The following CDH18 variants were observed in gnomAD, a reference collection of about 807,000 sequenced individuals.
The protein encoded by CDH18 is cadherin-18.
In CDH18, 31 loss-of-function variants were observed where a neutral mutation model predicts 67.9. The ratio of observed to expected loss-of-function variants is 0.46; its 90% CI spans 0.34 to 0.62. CDH18 has a LOEUF of 0.62. CDH18 is among the 20% of genes least tolerant of loss of function. The pLI is 0.01. For synonymous variants in CDH18, 362 were observed against 347.2 expected (o/e 1.04, Z -0.48); for missense variants, 890 against 975.5 (o/e 0.91, Z 1.17).
chr5:20,389,876 A>C (rs1165255739), intron 1 of CDH18, among the ~76,000 whole-genome samples: 1 of 152,196 alleles, frequency 6.6e-6, no homozygotes, highest in African/African-American at 2.4e-5. Context: ...TGACAAAAAC[A>C]AGAAATGGGG....
rs1366829634 is a variant in CDH18 at position 20,334,739 on chromosome 5, C to A, written c.-579-79234G>T. ...TATATGAGTGCTATGATCTCTCTCT[C>A]TCTCTCTCTCTCATACACACACACA... On this transcript the variant is annotated intron_variant, in intron 1 of 14. Coordinates refer to the CDH18 transcript ENST00000507958. Among the ~76,000 whole-genome samples, 21 of 136,256 alleles carry A rather than the reference C, an allele frequency of 1.5e-4. No individual in the cohort carries two copies. In the East Asian group the frequency reaches 4.9e-3, roughly 32 times the overall value. 89.4% of individuals were successfully genotyped at this position (136,256 alleles called of 152,430 possible). A position where few individuals can be genotyped will look rare whatever the true frequency, so the allele number is the denominator to read the frequency against.
At chr5:19,746,015 A>G (rs969849621) in intron 4 of CDH18, among the ~76,000 whole-genome samples, 4 of 152,262 alleles carry the variant, frequency 2.6e-5, no homozygotes, top group South Asian at 2.1e-4. Context: ...AACAATACTC[A>G]TACATATGCA....
At chr5:19,550,546 G>A (rs1347819839) in intron 8 of CDH18, among the ~76,000 whole-genome samples, 1 of 152,054 alleles carries the variant, frequency 6.6e-6, no homozygotes, top group Non-Finnish European at 1.5e-5. Context: ...AGTTTGCTGA[G>A]AATGATGGTT....
chr5:20,317,405 A>G (rs1001239624), intron 1 of CDH18, among the ~76,000 whole-genome samples: 14 of 152,146 alleles, frequency 9.2e-5, no homozygotes, highest in Non-Finnish European at 1.3e-4. Flanking sequence ...TAGTTTCTCC[A>G]TCTTAAAAAG....
intron 1 of CDH18, among the ~76,000 whole-genome samples, chr5:20,353,464 C>T (rs1408770094): frequency 6.6e-6 from 1 of 152,048 alleles, no homozygotes; most frequent in African/African-American, 2.4e-5. Context: ...CTAGATTTCC[C>T]CTAGAACAAG....
intron 2 of CDH18, among the ~76,000 whole-genome samples, chr5:20,059,269 T>C (rs1281468624): frequency 6.6e-6 from 1 of 152,154 alleles, no homozygotes; most frequent in Non-Finnish European, 1.5e-5. Context: ...GTTAATCTTT[T>C]TAAAAAACCA....
intron 3 of CDH18, among the ~76,000 whole-genome samples, chr5:19,798,340 C>T (rs955193248): frequency 2.1e-4 from 32 of 151,742 alleles, no homozygotes; most frequent in Admixed American, 5.9e-4. Context: ...AAGGATGTCT[C>T]CGTATTATAT....
intron 2 of CDH18, among the ~76,000 whole-genome samples, chr5:20,033,085 C>T (rs937653785): frequency 6.6e-6 from 1 of 151,916 alleles, no homozygotes; most frequent in Non-Finnish European, 1.5e-5. Flanking sequence ...AACCTATGAC[C>T]TCTCTGCAGC....
chr5:19,897,584 A>G (rs974155281), intron 2 of CDH18, among the ~76,000 whole-genome samples: 50 of 152,136 alleles, frequency 3.3e-4, no homozygotes, highest in African/African-American at 1.1e-3. Flanking sequence ...GCCAACAGAA[A>G]TAAGTACATA....
intron 2 of CDH18, among the ~76,000 whole-genome samples, chr5:20,116,497 CAGAGAG>C (rs1331051543): frequency 2.7e-5 from 4 of 150,580 alleles, no homozygotes; most frequent in Non-Finnish European, 4.4e-5. Flanking sequence ...GCCTGGGTGA[CAGAGAG>C]AGACTCCCTC....
chr5:19,761,728 T>C lies in CDH18; in HGVS notation c.229-14492A>G, dbSNP rs566265374. ...GCTACCAATGACTTTCTTCACAGAA[T>C]TGGAAAAAACTACTTTAAAGTTCAT... On this transcript the variant is annotated intron_variant, in intron 3 of 12. Transcript: ENST00000382275. Among the ~76,000 whole-genome samples the C allele has an allele frequency of 4.5e-4, 69 of 152,190 alleles. 1 individual carries two copies. The highest frequency in any genetic ancestry group is 1.6e-3 in the African/African-American group (65 of 41,532).
chr5:20,537,022 G>A (rs985742470), intron 1 of CDH18, among the ~76,000 whole-genome samples: 1 of 152,078 alleles, frequency 6.6e-6, no homozygotes, highest in Admixed American at 6.6e-5. Flanking sequence ...CTTGTGTCCT[G>A]CCTATGGTGT....
intron 2 of CDH18, among the ~76,000 whole-genome samples, chr5:20,068,815 C>T (rs903723744): frequency 3.9e-5 from 6 of 151,956 alleles, no homozygotes. Context: ...ATATCCAGGC[C>T]ACATATGGAT....
chr5:19,967,545 A>G (rs1465914459), intron 2 of CDH18, among the ~76,000 whole-genome samples: 1 of 152,142 alleles, frequency 6.6e-6, no homozygotes, highest in African/African-American at 2.4e-5. Context: ...CTAAGCTTCA[A>G]AACAATTTGT....
At chr5:19,809,098 AGACAAAGCT>A (rs1778363312) in intron 3 of CDH18, among the ~76,000 whole-genome samples, 1 of 152,178 alleles carries the variant, frequency 6.6e-6, no homozygotes, top group South Asian at 2.1e-4. Flanking sequence ...TAAAAATGGC[AGACAAAGCT>A]GATCTAGGCA....
intron 5 of CDH18, among the ~76,000 whole-genome samples, chr5:19,624,302 GGC>G (rs1166536291): frequency 6.6e-6 from 1 of 151,902 alleles, no homozygotes; most frequent in Non-Finnish European, 1.5e-5. Flanking sequence ...CCACCACCCT[GGC>G]TGCCATACTC....
chr5:20,203,220 T>C (rs1739589345), intron 2 of CDH18, among the ~76,000 whole-genome samples: 1 of 152,156 alleles, frequency 6.6e-6, no homozygotes, highest in South Asian at 2.1e-4. Context: ...GACCTATCCA[T>C]GTTTCAATTC....
intron 2 of CDH18, among the ~76,000 whole-genome samples, chr5:19,956,724 C>A (rs1348151621): frequency 6.6e-6 from 1 of 151,700 alleles, no homozygotes; most frequent in African/African-American, 2.4e-5. Context: ...ATATATTTTA[C>A]TTCTTAAAGT....
intron 1 of CDH18, among the ~76,000 whole-genome samples, chr5:20,563,378 A>G (rs556397266): frequency 3.3e-5 from 5 of 152,248 alleles, no homozygotes. Context: ...CACAGTTTCA[A>G]GCTTAACAGA....
Sources: allele counts gnomAD v4.1 joint callset (sites outside exome capture counted in the v4.1 genomes callset), GRCh38; gene constraint gnomAD v4.1.1; transcripts MANE v1.5; gene names NCBI Gene and HGNC (gene_info 2026-07-23, HGNC 2026-07-21).